Variants in PKD2L2 observed in about 807,000 individuals in gnomAD.
PKD2L2 encodes polycystin 2 like 2, transient receptor potential cation channel.
PKD2L2 carries 67 observed loss-of-function variants against 83.9 expected under a neutral mutation model. The observed-to-expected ratio is 0.80, with a 90% CI of 0.66 to 0.98. The LOEUF (loss-of-function observed/expected upper bound fraction) is 0.98. Ranked by LOEUF, PKD2L2 falls within the 50% of genes least tolerant of loss-of-function variation. PKD2L2 has a pLI of 0.00. For missense variants in PKD2L2, 632 were observed against 717.2 expected (o/e 0.88, Z 1.36); for synonymous variants, 223 against 237.8 (o/e 0.94, Z 0.57).
chr5:137,915,281 C>G (rs985959479), intron 8 of PKD2L2, among the ~76,000 whole-genome samples: 1 of 152,002 alleles, frequency 6.6e-6, no homozygotes, highest in Non-Finnish European at 1.5e-5. Context: ...GGAAGCATTC[C>G]CTTCTCTTCC....
rs557870570 is a variant in PKD2L2, at chr5:137,900,186, A to AT, written c.746+449_746+450insT. On this transcript the variant is annotated intron_variant, in intron 5 of 14. Transcript: ENST00000508883. ...AGAGTACGTACTGTACTAGTGTAAG[A>AT]ATTTTGTAGCCATCTCCTGTTGCTA... is the stretch of plus-strand genomic sequence containing the variant. Among the ~76,000 whole-genome samples the AT allele has an allele frequency of 5.9e-3, 906 of 152,334 alleles. 7 individuals are homozygous for AT. Among genetic ancestry groups the AT allele is most frequent in the Middle Eastern group, 0.02 (6 of 294 alleles).
chr5:137,925,924 G>A lies in PKD2L2; in HGVS notation c.1666G>A (p.Glu556Lys), dbSNP rs1481164509. The A allele has an allele frequency of 3.2e-6, 5 of 1,580,482 alleles. No homozygotes were observed. Among genetic ancestry groups the A allele is most frequent in the African/African-American group, 2.7e-5 (2 of 74,406 alleles). Reference protein sequence around the residue: ...AEQARREGFDENEIQNAEQMK... With the variant: ...AEQARREGFDKNEIQNAEQMK... ...ACAAGCCAGAAGAGAAGGCTTTGACGAAAATGTAAGATTTTAATTTTTTTC... is the reference window on the plus strand; with the variant it reads ...ACAAGCCAGAAGAGAAGGCTTTGACAAAAATGTAAGATTTTAATTTTTTTC... The change falls in exon 12 of 15, where the codon GAA (glutamate) becomes AAA (lysine). Residue 556 changes from glutamate to lysine, a missense_variant. Glu to Lys is a moderately conservative substitution (Grantham distance 56). Transcript: ENST00000508883.
At chr5:137,927,780 T>C (rs1222545454) in intron 12 of PKD2L2, among the ~76,000 whole-genome samples, 1 of 152,174 alleles carries the variant, frequency 6.6e-6, no homozygotes, top group African/African-American at 2.4e-5. Context: ...CCAGATAATT[T>C]TTGTATTTTT....
intron 5 of PKD2L2, among the ~76,000 whole-genome samples, chr5:137,900,820 C>T (rs1289587172): frequency 6.6e-6 from 1 of 152,102 alleles, no homozygotes; most frequent in Non-Finnish European, 1.5e-5. Flanking sequence ...AAAGGCATAC[C>T]TTTAGATTCT....
At chr5:137,935,425 T>C (rs1010417526) in intron 12 of PKD2L2, among the ~76,000 whole-genome samples, 1 of 152,188 alleles carries the variant, frequency 6.6e-6, no homozygotes, top group African/African-American at 2.4e-5. Context: ...CAGATACACT[T>C]TGAATCTAAT....
At chr5:137,909,974 CA>C (rs1183388969) in intron 8 of PKD2L2, among the ~76,000 whole-genome samples, 3 of 151,936 alleles carry the variant, frequency 2.0e-5, no homozygotes, top group Admixed American at 2.0e-4. Flanking sequence ...CCTATAATCC[CA>C]GCATTAGGGA....
intron 3 of PKD2L2, 118 bp downstream of exon 3, chr5:137,892,731 C>A (rs1756097746): frequency 2.4e-6 from 2 of 847,860 alleles, no homozygotes; most frequent in Non-Finnish European, 1.8e-6. Context: ...AATGTCATTT[C>A]TTTAAACTAT....
At chr5:137,927,700 A>T (rs984065015) in intron 12 of PKD2L2, among the ~76,000 whole-genome samples, 1 of 152,230 alleles carries the variant, frequency 6.6e-6, no homozygotes, top group African/African-American at 2.4e-5. Context: ...CAAATACTTC[A>T]GGAGGAAAAA....
chr5:137,923,571 G>A (rs1183206006), intron 10 of PKD2L2, 50 bp downstream of exon 10: 1 of 869,816 alleles, frequency 1.1e-6, no homozygotes, highest in East Asian at 2.4e-5. Flanking sequence ...ACCTCATATA[G>A]TTTATCCTCT....
intron 8 of PKD2L2, among the ~76,000 whole-genome samples, chr5:137,917,930 G>A (rs1372074615): frequency 6.6e-6 from 1 of 152,130 alleles, no homozygotes; most frequent in East Asian, 1.9e-4. Flanking sequence ...GGGTGTGGTG[G>A]CTCACATTTT....
chr5:137,927,080 G>T (rs970194546), intron 12 of PKD2L2, among the ~76,000 whole-genome samples: 1 of 152,202 alleles, frequency 6.6e-6, no homozygotes, highest in Non-Finnish European at 1.5e-5. Flanking sequence ...TAAGCATTAT[G>T]ATGAATAATG....
intron 8 of PKD2L2, among the ~76,000 whole-genome samples, chr5:137,915,304 G>A (rs1758224333): frequency 1.3e-5 from 2 of 152,178 alleles, no homozygotes; most frequent in Non-Finnish European, 2.9e-5. Flanking sequence ...TTTTGGAAGA[G>A]TTTGAAGATT....
In PKD2L2 at chr5:137,910,495, G is replaced by A. The variant is rs537914293; in HGVS notation, c.1328+1549G>A. 1.4e-4 allele frequency among the ~76,000 whole-genome samples: 21 copies of A among 151,964 alleles called. 1 individual carries two copies. The highest frequency in any genetic ancestry group is 3.4e-3 in the Middle Eastern group (1 of 294). ...GACAATTTTAAAAGCTGGATGGGCC[G>A]GGTGCGATGGTTCGCGCCTGTAATG... is the stretch of plus-strand genomic sequence containing the variant. On this transcript the variant is annotated intron_variant, in intron 8 of 14. Transcript: ENST00000508883.
At chr5:137,919,962 C>T (rs1758740343) in intron 8 of PKD2L2, among the ~76,000 whole-genome samples, 1 of 152,038 alleles carries the variant, frequency 6.6e-6, no homozygotes, top group Non-Finnish European at 1.5e-5. Context: ...CTTTGGGAGC[C>T]CAAGGCGGGT....
chr5:137,920,575 G>C (rs1758800034), intron 8 of PKD2L2, among the ~76,000 whole-genome samples: 1 of 151,934 alleles, frequency 6.6e-6, no homozygotes, highest in South Asian at 2.1e-4. Context: ...TGGACAAGAT[G>C]GTGAAACCCC....
In PKD2L2 at chr5:137,906,234, G is replaced by A. The variant is rs370920294; in HGVS notation, c.775G>A (p.Gly259Arg). ...RLVAEFPATG[G>R]ILTSWQFYSV... Reference sequence around the variant, plus strand: ...GGTGGCAGAATTCCCTGCAACTGGAGGAATACTTACTTCATGGCAGTTTTA... The same window carrying A: ...GGTGGCAGAATTCCCTGCAACTGGAAGAATACTTACTTCATGGCAGTTTTA... The change falls in exon 6 of 15, where the codon GGA becomes AGA. Residue 259 changes from glycine to arginine, a missense_variant. By Grantham distance (125) the Gly-to-Arg change is moderately radical. Coordinates refer to ENST00000508883, the MANE Select transcript of PKD2L2 (RefSeq NM_001300921.2). 8.1e-6 allele frequency: 13 copies of A among 1,609,638 alleles called. No individual in the cohort carries two copies. In the Admixed American group the frequency reaches 1.5e-4, roughly 19 times the overall value.
At chr5:137,927,091 A>T (rs1759439223) in intron 12 of PKD2L2, among the ~76,000 whole-genome samples, 1 of 152,242 alleles carries the variant, frequency 6.6e-6, no homozygotes. Flanking sequence ...ATGAATAATG[A>T]TTCATAACCC....
At chr5:137,895,215 C>A (rs1756343852) in intron 4 of PKD2L2, among the ~76,000 whole-genome samples, 1 of 152,010 alleles carries the variant, frequency 6.6e-6, no homozygotes, top group Non-Finnish European at 1.5e-5. Flanking sequence ...CACCTGTAAT[C>A]CCAGCACTTT....
chr5:137,892,773 A>G (rs911365173), intron 3 of PKD2L2, among the ~76,000 whole-genome samples, 160 bp downstream of exon 3: 1 of 152,226 alleles, frequency 6.6e-6, no homozygotes, highest in African/African-American at 2.4e-5. Flanking sequence ...TGTTTTTGAG[A>G]GCCTGTGTTC....
Sources: allele counts gnomAD v4.1 joint callset (sites outside exome capture counted in the v4.1 genomes callset), GRCh38; gene constraint gnomAD v4.1.1; transcripts MANE v1.5; gene names NCBI Gene and HGNC (gene_info 2026-07-23, HGNC 2026-07-21).